Variants in PARN observed in about 807,000 individuals in gnomAD.
The protein encoded by PARN is poly(A)-specific ribonuclease PARN.
Under a neutral mutation model 102.8 loss-of-function variants are expected in PARN, and 71 were observed. That is an observed-to-expected ratio of 0.69 (90% confidence interval 0.57 to 0.84). The LOEUF (loss-of-function observed/expected upper bound fraction) is 0.84, where lower values mean the gene tolerates loss of function less well. Among genes scored for constraint, PARN ranks in the 40% least tolerant of loss-of-function variants. The pLI is 0.00. For missense variants in PARN, 782 were observed against 760.9 expected (o/e 1.03, Z -0.33); for synonymous variants, 261 against 252.9 (o/e 1.03, Z -0.30).
At chr16:14,463,600 A>G (rs958338024) in intron 22 of PARN, among the ~76,000 whole-genome samples, 4 of 152,086 alleles carry the variant, frequency 2.6e-5, no homozygotes, top group Admixed American at 2.6e-4. Context: ...ACCAAACAGA[A>G]CTTCTAGAAA....
Position 14,482,667 on chromosome 16 carries a change from G to C in PARN, c.1641C>G (p.Thr547=). The change falls in exon 22 of 24, where the codon ACC becomes ACG. Residue 547 remains threonine, a synonymous_variant. Coordinates refer to ENST00000437198, the MANE Select transcript of PARN (RefSeq NM_002582.4). ...KRLNPQCIPY[T]LQNHYYRNNS... ...TGTTGCGGTAATAGTGATTCTGCAG[G>C]GTGTAGGGTATGCACTGGGGGTTTA... is the stretch of plus-strand genomic sequence containing the variant. The C allele has an allele frequency of 1.2e-6, 2 of 1,611,742 alleles. No homozygotes were observed. Among genetic ancestry groups the C allele is most frequent in the South Asian group, 2.2e-5 (2 of 90,550 alleles).
intron 5 of PARN, among the ~76,000 whole-genome samples, chr16:14,624,910 C>T (rs960171169): frequency 6.6e-6 from 1 of 151,656 alleles, no homozygotes; most frequent in Non-Finnish European, 1.5e-5. Flanking sequence ...AATAAGCCGG[C>T]GTGATGGTGC....
chr16:14,534,533 T>C (rs1416892810), intron 21 of PARN, among the ~76,000 whole-genome samples: 1 of 152,226 alleles, frequency 6.6e-6, no homozygotes, highest in Non-Finnish European at 1.5e-5. Flanking sequence ...TATTCTATAA[T>C]GAGTTCATTT....
At chr16:14,560,914 G>C (rs1392184832) in intron 18 of PARN, among the ~76,000 whole-genome samples, 1 of 152,212 alleles carries the variant, frequency 6.6e-6, no homozygotes, top group East Asian at 1.9e-4. Flanking sequence ...CCAGCAATCT[G>C]GGAGGCCGAG....
intron 22 of PARN, among the ~76,000 whole-genome samples, chr16:14,477,140 G>A (rs748299827): frequency 2.6e-5 from 4 of 152,100 alleles, no homozygotes; most frequent in South Asian, 2.1e-4. Flanking sequence ...CGATGCAAAC[G>A]CTAAGTATAA....
chr16:14,598,611 A>G (rs906174752), intron 12 of PARN, among the ~76,000 whole-genome samples: 4 of 152,190 alleles, frequency 2.6e-5, no homozygotes, highest in African/African-American at 9.6e-5. Flanking sequence ...ACTGCTGAAG[A>G]GGCTCACAGC....
chr16:14,528,349 G>A (rs958092114), intron 21 of PARN, among the ~76,000 whole-genome samples: 3 of 152,200 alleles, frequency 2.0e-5, no homozygotes, highest in Non-Finnish European at 1.5e-5. Flanking sequence ...CCAACTGTAG[G>A]AAGCCATGGG....
intron 11 of PARN, among the ~76,000 whole-genome samples, chr16:14,600,746 C>A (rs1297211875): frequency 6.6e-6 from 1 of 152,146 alleles, no homozygotes; most frequent in Non-Finnish European, 1.5e-5. Context: ...GCCTGACCAA[C>A]ATGGTGAAAC....
intron 18 of PARN, among the ~76,000 whole-genome samples, chr16:14,573,789 G>A (rs569714276): frequency 1.3e-5 from 2 of 152,184 alleles, no homozygotes; most frequent in Non-Finnish European, 2.9e-5. Context: ...CTTGTCTGCT[G>A]CCATGTGAGA....
chr16:14,604,207 A>C lies in PARN; in HGVS notation c.722T>G (p.Ile241Ser). 6.3e-7 allele frequency: 1 copy of C among 1,592,424 alleles called. No homozygotes were observed. The highest frequency in any genetic ancestry group is 8.6e-7 in the Non-Finnish European group (1 of 1,165,626). ...ETEKKERYIV[I>S]SKVDEEERKR... ...GCGTTCTTCTTCATCTACTTTGCTG[A>C]TAACTATATATCGCTCCTTCTAAAA... Residue 241 changes from isoleucine (I) to serine (S), a missense_variant, in exon 11 of 24, where the codon ATC becomes AGC. Coordinates refer to ENST00000437198, the MANE Select transcript of PARN (RefSeq NM_002582.4).
chr16:14,491,132 G>A (rs1224022182), intron 21 of PARN, among the ~76,000 whole-genome samples: 1 of 151,570 alleles, frequency 6.6e-6, no homozygotes. Context: ...GTAAAAATGG[G>A]GAGGCAAGCC....
chr16:14,461,400 T>C (rs960160352), intron 22 of PARN, among the ~76,000 whole-genome samples: 1 of 152,236 alleles, frequency 6.6e-6, no homozygotes. Flanking sequence ...ATGTAACTTA[T>C]GATATGCAGT....
chr16:14,539,247 A>G (rs1966748277), intron 21 of PARN, among the ~76,000 whole-genome samples: 1 of 152,192 alleles, frequency 6.6e-6, no homozygotes, highest in African/African-American at 2.4e-5. Flanking sequence ...AGTAATATGG[A>G]TAAGAAACAA....
At chr16:14,468,280 A>C (rs540481046) in intron 22 of PARN, among the ~76,000 whole-genome samples, 1 of 152,366 alleles carries the variant, frequency 6.6e-6, no homozygotes, top group African/African-American at 2.4e-5. Context: ...AAACAAAACA[A>C]AATAGAAAAG....
At chr16:14,564,671 CAT>C (rs759807105) in intron 18 of PARN, among the ~76,000 whole-genome samples, 28 of 152,146 alleles carry the variant, frequency 1.8e-4, no homozygotes, top group Non-Finnish European at 3.5e-4. Flanking sequence ...AATGTCATGA[CAT>C]GTGTTAATAA....
chr16:14,505,603 G>C (rs552274841), intron 21 of PARN, among the ~76,000 whole-genome samples: 6 of 152,184 alleles, frequency 3.9e-5, no homozygotes, highest in African/African-American at 1.4e-4. Flanking sequence ...ATGAGGGGAG[G>C]GGGAAGATAC....
At chr16:14,547,067 TG>T (rs1966993632) in intron 21 of PARN, among the ~76,000 whole-genome samples, 1 of 147,908 alleles carries the variant, frequency 6.8e-6, no homozygotes, top group Non-Finnish European at 1.5e-5. Context: ...CACTTCAGCC[TG>T]GGCAACAGAG....
At chr16:14,501,363 C>T (rs1964582956) in intron 21 of PARN, among the ~76,000 whole-genome samples, 1 of 131,030 alleles carries the variant, frequency 7.6e-6, no homozygotes. Context: ...GTCCCAGCTA[C>T]TTGGGACGCT....
At chr16:14,513,159 A>T (rs1420694942) in intron 21 of PARN, among the ~76,000 whole-genome samples, 3 of 152,118 alleles carry the variant, frequency 2.0e-5, no homozygotes, top group African/African-American at 7.2e-5. Flanking sequence ...TCCTGACCTC[A>T]AGTGATCTGC....
Sources: gnomAD v4.1 joint callset for allele counts (sites outside exome capture counted in the v4.1 genomes callset) on GRCh38, gnomAD v4.1.1 for gene constraint, MANE v1.5 for transcripts, NCBI Gene and HGNC (gene_info 2026-07-23, HGNC 2026-07-21) for gene names.